Variants in FSTL4 observed in about 807,000 individuals in gnomAD.
FSTL4 encodes follistatin like 4.
A neutral mutation model predicts 78.2 loss-of-function variants in FSTL4; 28 were observed. The observed-to-expected ratio is 0.36, with a 90% CI of 0.27 to 0.49. FSTL4 has a LOEUF of 0.49. Ranked by LOEUF, FSTL4 falls within the 20% of genes least tolerant of loss-of-function variation. The pLI is 0.98. For missense variants in FSTL4, 922 were observed against 1,084.9 expected (o/e 0.85, Z 2.11); for synonymous variants, 422 against 440.5 (o/e 0.96, Z 0.53).
At chr5:133,586,318 C>G (rs1399252727) in intron 2 of FSTL4, among the ~76,000 whole-genome samples, 1 of 67,412 alleles carries the variant, frequency 1.5e-5, no homozygotes, top group Non-Finnish European at 2.9e-5. Flanking sequence ...CACAAAAAAC[C>G]CTTCAAAAAA....
chr5:133,459,408 G>C (rs187424786), intron 3 of FSTL4, among the ~76,000 whole-genome samples: 2 of 151,936 alleles, frequency 1.3e-5, no homozygotes, highest in Admixed American at 1.3e-4. Context: ...TCAGTATTTA[G>C]GACAATTAAA....
the FSTL4 span, among the ~76,000 whole-genome samples, chr5:133,714,335 T>C: frequency 6.6e-6 from 1 of 152,208 alleles, no homozygotes; most frequent in Non-Finnish European, 1.5e-5. Flanking sequence ...ATCAACTCTA[T>C]GACTCACGTA....
the FSTL4 span, among the ~76,000 whole-genome samples, chr5:133,626,888 T>G: frequency 1.3e-5 from 2 of 152,290 alleles, no homozygotes; most frequent in Admixed American, 1.3e-4. Context: ...CTGCAACTAT[T>G]GATTGGATCC....
intron 1 of FSTL4, among the ~76,000 whole-genome samples, chr5:133,605,989 C>T (rs555160380): frequency 3.9e-5 from 6 of 152,230 alleles, no homozygotes; most frequent in Admixed American, 2.0e-4. Context: ...CCCTCCCCTG[C>T]CCCCCAATGG....
chr5:133,804,876 G>A, the FSTL4 span, among the ~76,000 whole-genome samples: 4 of 150,460 alleles, frequency 2.7e-5, no homozygotes, highest in East Asian at 2.0e-4. Flanking sequence ...CCCGGAAGGC[G>A]GAGCTTGCAG....
At chr5:133,465,469 T>C (rs1260214494) in intron 3 of FSTL4, among the ~76,000 whole-genome samples, 1 of 152,218 alleles carries the variant, frequency 6.6e-6, no homozygotes, top group Non-Finnish European at 1.5e-5. Flanking sequence ...CCATGCCACA[T>C]ATTCCACGAA....
At chr5:133,619,000 T>TTC in the FSTL4 span, among the ~76,000 whole-genome samples, 1 of 152,234 alleles carries the variant, frequency 6.6e-6, no homozygotes, top group African/African-American at 2.4e-5. Context: ...CAAAGTATAT[T>TTC]TCTCTCTTCT....
chr5:133,747,953 G>C, the FSTL4 span, among the ~76,000 whole-genome samples: 2 of 152,072 alleles, frequency 1.3e-5, no homozygotes, highest in Non-Finnish European at 2.9e-5. Flanking sequence ...TCCTAGCACT[G>C]TGGGAGGCTG....
chr5:133,301,864 C>G (rs758866580), intron 6 of FSTL4, among the ~76,000 whole-genome samples: 35 of 152,112 alleles, frequency 2.3e-4, no homozygotes, highest in Non-Finnish European at 3.4e-4. Context: ...AATGGAAAGC[C>G]ATTACCAAGT....
At chr5:133,320,446 A>G (rs1461221286) in intron 4 of FSTL4, among the ~76,000 whole-genome samples, 1 of 152,158 alleles carries the variant, frequency 6.6e-6, no homozygotes, top group East Asian at 1.9e-4. Flanking sequence ...AGCTTCAAAC[A>G]TTTGTCTAAT....
At chr5:133,735,449 C>T in the FSTL4 span, among the ~76,000 whole-genome samples, 1 of 152,076 alleles carries the variant, frequency 6.6e-6, no homozygotes, top group African/African-American at 2.4e-5. Flanking sequence ...GGTGACAGAG[C>T]GAGACACCAT....
chr5:133,200,042 T>C (rs1456385741), intron 15 of FSTL4, among the ~76,000 whole-genome samples: 1 of 152,198 alleles, frequency 6.6e-6, no homozygotes, highest in Admixed American at 6.5e-5. Flanking sequence ...GCACTCATCG[T>C]TGGAAATGAT....
At chr5:133,517,386 G>A (rs1758875909) in intron 3 of FSTL4, among the ~76,000 whole-genome samples, 1 of 122,086 alleles carries the variant, frequency 8.2e-6, no homozygotes, top group Admixed American at 9.3e-5. Context: ...TCATACCCAT[G>A]CATTCCAGCC....
chr5:133,249,320 C>T (rs1376889568), intron 7 of FSTL4, 90 bp downstream of exon 7: 2 of 1,024,690 alleles, frequency 2.0e-6, no homozygotes, highest in Non-Finnish European at 3.0e-6. Flanking sequence ...AACTAAAACT[C>T]TCCCGTCCTG....
chr5:133,357,739 C>T (rs764906425), intron 4 of FSTL4, among the ~76,000 whole-genome samples: 1 of 152,156 alleles, frequency 6.6e-6, no homozygotes, highest in Non-Finnish European at 1.5e-5. Flanking sequence ...TCTGGCCTCT[C>T]TCCCTAGCAC....
chr5:133,737,893 G>A, the FSTL4 span, among the ~76,000 whole-genome samples: 5 of 152,076 alleles, frequency 3.3e-5, no homozygotes, highest in East Asian at 5.8e-4. Context: ...GTGAGCCACC[G>A]CGCCCGGCCT....
chr5:133,782,652 G>A, the FSTL4 span, among the ~76,000 whole-genome samples: 122 of 152,346 alleles, frequency 8.0e-4, no homozygotes, highest in African/African-American at 2.8e-3. Context: ...AGAGCCAGCA[G>A]CAGCCATCAT....
the FSTL4 span, among the ~76,000 whole-genome samples, chr5:133,823,447 G>T: frequency 6.6e-6 from 1 of 152,168 alleles, no homozygotes; most frequent in Non-Finnish European, 1.5e-5. Context: ...TGGACAGAGG[G>T]AGTGATGAGG....
At chr5:133,542,426 T>TA (rs1038083441) in intron 3 of FSTL4, among the ~76,000 whole-genome samples, 1 of 152,192 alleles carries the variant, frequency 6.6e-6, no homozygotes, top group African/African-American at 2.4e-5. Flanking sequence ...AACTGGCATT[T>TA]AAAAAAACAT....
Sources: allele counts gnomAD v4.1 joint callset (sites outside exome capture counted in the v4.1 genomes callset), GRCh38; gene constraint gnomAD v4.1.1; transcripts MANE v1.5; gene names NCBI Gene and HGNC (gene_info 2026-07-23, HGNC 2026-07-21).